Variants in REDIC1 observed in about 807,000 individuals in gnomAD.
The protein encoded by REDIC1 is regulator of DNA class I crossover intermediates 1.
At chr12:39,823,946 G>GAAAT in the REDIC1 span, among the ~76,000 whole-genome samples, 1 of 152,002 alleles carries the variant, frequency 6.6e-6, no homozygotes, top group East Asian at 1.9e-4. Context: ...TCCTTTCCTG[G>GAAAT]AAATAAGTAT....
the REDIC1 span, among the ~76,000 whole-genome samples, chr12:39,892,948 T>C: frequency 2.0e-5 from 3 of 152,192 alleles, no homozygotes; most frequent in African/African-American, 4.8e-5. Context: ...TTTATATTAA[T>C]TTATCAAACC....
At chr12:39,669,991 G>A in the REDIC1 span, among the ~76,000 whole-genome samples, 1 of 152,122 alleles carries the variant, frequency 6.6e-6, no homozygotes, top group African/African-American at 2.4e-5. Context: ...CTGATCCCTT[G>A]CGCTTCCCAA....
chr12:39,758,593 A>T, the REDIC1 span: 323 of 152,110 alleles, frequency 2.1e-3, no homozygotes, highest in African/African-American at 7.5e-3. Flanking sequence ...AAAAGCAAAA[A>T]TTAAGAGTTC....
At chr12:39,830,238 G>GAA in the REDIC1 span, 1 of 1,611,004 alleles carries the variant, frequency 6.2e-7, no homozygotes, top group Non-Finnish European at 8.5e-7. Flanking sequence ...ACTGAAAAAT[G>GAA]AAAAGAGTTA....
At chr12:39,861,902 T>A in the REDIC1 span, among the ~76,000 whole-genome samples, 1 of 152,176 alleles carries the variant, frequency 6.6e-6, no homozygotes, top group East Asian at 1.9e-4. Flanking sequence ...CCAGGATACA[T>A]GTGCAGGACG....
the REDIC1 span, among the ~76,000 whole-genome samples, chr12:39,870,603 T>TTGAA: frequency 6.6e-6 from 1 of 152,236 alleles, no homozygotes; most frequent in African/African-American, 2.4e-5. Context: ...AAACATGGTT[T>TTGAA]TGAAACCTTT....
At chr12:39,745,780 A>C in the REDIC1 span, 1 of 152,362 alleles carries the variant, frequency 6.6e-6, no homozygotes, top group Admixed American at 6.5e-5. Flanking sequence ...TATGCTATGC[A>C]GAGGTTCACT....
chr12:39,894,083 T>A, the REDIC1 span, among the ~76,000 whole-genome samples: 2 of 152,192 alleles, frequency 1.3e-5, no homozygotes, highest in South Asian at 4.1e-4. Flanking sequence ...TAATAAATGT[T>A]TTTGCAAACA....
chr12:39,900,577 T>C, the REDIC1 span, among the ~76,000 whole-genome samples: 18 of 152,184 alleles, frequency 1.2e-4, no homozygotes, highest in African/African-American at 3.4e-4. Flanking sequence ...ATGAGTGAAC[T>C]CCTATTCACA....
the REDIC1 span, among the ~76,000 whole-genome samples, chr12:39,703,611 C>T: frequency 1.3e-5 from 2 of 152,118 alleles, no homozygotes; most frequent in Admixed American, 6.6e-5. Context: ...AAAAAGATCC[C>T]TCATTGCCAA....
chr12:39,784,979 G>C, the REDIC1 span, among the ~76,000 whole-genome samples: 1 of 152,204 alleles, frequency 6.6e-6, no homozygotes, highest in African/African-American at 2.4e-5. Context: ...AAAGCACTCT[G>C]TTTTAAAAGG....
chr12:39,650,614 G>T, the REDIC1 span, among the ~76,000 whole-genome samples: 3 of 152,036 alleles, frequency 2.0e-5, no homozygotes, highest in African/African-American at 7.2e-5. This position sits in a 1 kb window ranked among gnomAD's most constrained non-coding sequence, Gnocchi z 4.3. Flanking sequence ...CTTTCACCCA[G>T]GCTGGAGTGC....
the REDIC1 span, among the ~76,000 whole-genome samples, chr12:39,878,216 A>G: frequency 4.6e-5 from 7 of 152,208 alleles, no homozygotes; most frequent in African/African-American, 1.7e-4. Context: ...CCTAATACAG[A>G]AAGTTGATAC....
chr12:39,698,776 A>C, the REDIC1 span, among the ~76,000 whole-genome samples: 2 of 152,226 alleles, frequency 1.3e-5, no homozygotes, highest in Non-Finnish European at 2.9e-5. Flanking sequence ...GAAATTGAAA[A>C]ATTCCTTGAA....
At chr12:39,799,270 T>G in the REDIC1 span, among the ~76,000 whole-genome samples, 5 of 149,384 alleles carry the variant, frequency 3.3e-5, no homozygotes, top group African/African-American at 1.2e-4. Context: ...TTTTTTTTTT[T>G]TTTTTTTTCC....
At chr12:39,740,241 T>C in the REDIC1 span, among the ~76,000 whole-genome samples, 1 of 152,282 alleles carries the variant, frequency 6.6e-6, no homozygotes, top group Non-Finnish European at 1.5e-5. Context: ...GCTTTAGAGT[T>C]GGGGGGAGTA....
chr12:39,869,884 A>T, the REDIC1 span, among the ~76,000 whole-genome samples: 1 of 152,234 alleles, frequency 6.6e-6, no homozygotes, highest in African/African-American at 2.4e-5. Context: ...TCTCTGTGTC[A>T]GGTAGTATTT....
the REDIC1 span, among the ~76,000 whole-genome samples, chr12:39,718,922 T>C: frequency 6.6e-6 from 1 of 152,164 alleles, no homozygotes; most frequent in Admixed American, 6.6e-5. Flanking sequence ...TAAGTTGTCA[T>C]ATAATGGCTT....
At chr12:39,727,463 A>T in the REDIC1 span, among the ~76,000 whole-genome samples, 62 of 152,150 alleles carry the variant, frequency 4.1e-4, no homozygotes, top group African/African-American at 1.4e-3. Context: ...ATGGTTGTAG[A>T]TGTGTGGCAT....
Sources: gnomAD v4.1 joint callset for allele counts (sites outside exome capture counted in the v4.1 genomes callset) on GRCh38, gnomAD v4.1.1 for gene constraint, Gnocchi (gnomAD v3.1) non-coding constraint, MANE v1.5 for transcripts, NCBI Gene and HGNC (gene_info 2026-07-23, HGNC 2026-07-21) for gene names.